FRMPD1: variants seen among roughly 807,000 people sequenced by gnomAD.
FRMPD1 encodes the protein FERM and PDZ domain containing 1.
In FRMPD1, 76 loss-of-function variants were observed where a neutral mutation model predicts 117.8. The ratio of observed to expected loss-of-function variants is 0.65; its 90% CI spans 0.54 to 0.78. The LOEUF is 0.78. Ranked by LOEUF, FRMPD1 falls within the 30% of genes least tolerant of loss-of-function variation. The pLI, the probability that FRMPD1 is intolerant of heterozygous loss-of-function variation, is 0.00. For missense variants in FRMPD1, 1,786 were observed against 1,964.5 expected, an observed-to-expected ratio of 0.91 and a Z score of 1.72; for synonymous variants, 783 against 770.4, an observed-to-expected ratio of 1.02 and a Z score of -0.27.
chr9:37,695,270 A>G (rs1246811469), intron 2 of FRMPD1, among the ~76,000 whole-genome samples: 1 of 152,132 alleles, frequency 6.6e-6, no homozygotes. Flanking sequence ...CTACATTTCC[A>G]CCAGCAGTAT....
At chr9:37,726,067 C>A (rs1396907441) in intron 7 of FRMPD1, among the ~76,000 whole-genome samples, 3 of 152,076 alleles carry the variant, frequency 2.0e-5, no homozygotes, top group Non-Finnish European at 4.4e-5. Flanking sequence ...CTTAAGATGA[C>A]AGAGAGAGTT....
the FRMPD1 span, among the ~76,000 whole-genome samples, chr9:37,618,307 G>T: frequency 1.3e-5 from 2 of 152,106 alleles, no homozygotes; most frequent in African/African-American, 4.8e-5. Context: ...GAAACAGGGG[G>T]GAACAGTGCT....
At chr9:37,640,692 C>T in the FRMPD1 span, among the ~76,000 whole-genome samples, 1 of 152,100 alleles carries the variant, frequency 6.6e-6, no homozygotes, top group Admixed American at 6.6e-5. Flanking sequence ...ATAGTAGACT[C>T]ATAAAATCAT....
intron 6 of FRMPD1, among the ~76,000 whole-genome samples, chr9:37,723,403 G>A (rs1823481463): frequency 6.6e-6 from 1 of 152,156 alleles, no homozygotes; most frequent in African/African-American, 2.4e-5. Context: ...CAGTCCTCAT[G>A]GGTATCCCTT....
At chr9:37,623,273 G>A in the FRMPD1 span, among the ~76,000 whole-genome samples, 1 of 152,178 alleles carries the variant, frequency 6.6e-6, no homozygotes. Context: ...CCTCTGGTTG[G>A]GAAAGGTGCC....
chr9:37,745,718 A>G lies in FRMPD1; in HGVS notation c.3686A>G (p.Glu1229Gly), dbSNP rs1824674991. The G allele has an allele frequency of 6.2e-7, 1 of 1,614,056 alleles. No individual in the cohort carries two copies. Among genetic ancestry groups the G allele is most frequent in the African/African-American group, 1.3e-5 (1 of 74,936 alleles). Residue 1229 changes from glutamate to glycine, a missense_variant, in exon 16 of 16, where the codon GAG (glutamate) becomes GGG (glycine). Glu to Gly is a moderately conservative substitution (Grantham distance 98). Transcript: ENST00000377765. ...GTCCCTCCAGAGGGGATCAAGGCAGAGGCACCTAACCATGTGACAGGGCAA... is the reference window on the plus strand; with the variant it reads ...GTCCCTCCAGAGGGGATCAAGGCAGGGGCACCTAACCATGTGACAGGGCAA... ...PAVPPEGIKA[E>G]APNHVTGQDI...
At chr9:37,620,475 G>C in the FRMPD1 span, among the ~76,000 whole-genome samples, 2 of 151,872 alleles carry the variant, frequency 1.3e-5, no homozygotes, top group African/African-American at 4.8e-5. Context: ...ACCGGGCATA[G>C]AGAAGGCCCT....
intron 5 of FRMPD1, chr9:37,715,591 T>C (rs1823083248): frequency 2.2e-6 from 1 of 454,530 alleles, no homozygotes; most frequent in Non-Finnish European, 4.4e-6. Flanking sequence ...TGAATTAATT[T>C]AGAATCCAGA....
the FRMPD1 span, among the ~76,000 whole-genome samples, chr9:37,611,134 T>G: frequency 6.6e-6 from 1 of 152,202 alleles, no homozygotes; most frequent in Non-Finnish European, 1.5e-5. Flanking sequence ...CATTTGTAAT[T>G]GTTTTTTTAG....
chr9:37,707,678 C>A, intron 3 of FRMPD1, 105 bp downstream of exon 3: 1 of 969,776 alleles, frequency 1.0e-6, no homozygotes, highest in Non-Finnish European at 1.6e-6. Context: ...GAAAATCCTA[C>A]CTGGGAAGTT....
chr9:37,723,877 A>T (rs896256031), intron 6 of FRMPD1, among the ~76,000 whole-genome samples: 1 of 152,132 alleles, frequency 6.6e-6, no homozygotes, highest in African/African-American at 2.4e-5. Flanking sequence ...GTGTGCCTGT[A>T]GTCTCAGCTA....
At chr9:37,734,361 GTC>G (rs1417321932) in intron 12 of FRMPD1, among the ~76,000 whole-genome samples, 1 of 152,134 alleles carries the variant, frequency 6.6e-6, no homozygotes, top group Non-Finnish European at 1.5e-5. Context: ...GCCAAGCTGA[GTC>G]TCTGATTGTT....
chr9:37,621,926 A>T, the FRMPD1 span, among the ~76,000 whole-genome samples: 11 of 152,256 alleles, frequency 7.2e-5, no homozygotes, highest in South Asian at 2.3e-3. Context: ...CAATAGTACC[A>T]CGTAAGAGGA....
rs762139665 is a variant in FRMPD1 at position 37,740,477 on chromosome 9, T to C, written c.1949T>C (p.Ile650Thr). ...GACAGCCAGGAGGAGAGAAGCGGGA[T>C]TGAAACCAGTGGCTTCCTCTGTCTC... Reference protein sequence around the residue: ...DSDSQEERSGIETSGFLCLLD... With the variant: ...DSDSQEERSGTETSGFLCLLD... Residue 650 changes from isoleucine to threonine, a missense_variant, in exon 15 of 16, where the codon ATT becomes ACT. Coordinates refer to ENST00000377765, the MANE Select transcript of FRMPD1 (RefSeq NM_014907.3). The surrounding 1 kb of genome is among the most constrained non-coding windows in gnomAD (Gnocchi z 4.2). 6.2e-7 allele frequency: 1 copy of C among 1,614,172 alleles called. No homozygotes were observed.
chr9:37,605,233 T>C, the FRMPD1 span, among the ~76,000 whole-genome samples: 1 of 152,242 alleles, frequency 6.6e-6, no homozygotes, highest in African/African-American at 2.4e-5. Context: ...ACTCAGCCTG[T>C]GCCCAAACCT....
chr9:37,638,854 A>G, the FRMPD1 span, among the ~76,000 whole-genome samples: 1 of 152,214 alleles, frequency 6.6e-6, no homozygotes, highest in Non-Finnish European at 1.5e-5. Flanking sequence ...CTCAAAGTCT[A>G]TCCTGATCTT....
chr9:37,668,098 G>T (rs1379092078), intron 1 of FRMPD1: 1 of 152,254 alleles, frequency 6.6e-6, no homozygotes, highest in South Asian at 2.1e-4. Context: ...GAGACCTTGG[G>T]TGTCATCTTC....
intron 1 of FRMPD1, among the ~76,000 whole-genome samples, chr9:37,658,612 T>TG (rs1332143836): frequency 1.3e-5 from 2 of 152,126 alleles, no homozygotes; most frequent in East Asian, 1.9e-4. Context: ...CAGCTTCTGG[T>TG]GCCCACTGGC....
chr9:37,631,581 A>C, the FRMPD1 span, among the ~76,000 whole-genome samples: 8 of 152,174 alleles, frequency 5.3e-5, no homozygotes, highest in African/African-American at 1.9e-4. Context: ...TAGAATAATA[A>C]ATTCACAAAT....
Sources: allele counts gnomAD v4.1 joint callset (sites outside exome capture counted in the v4.1 genomes callset), GRCh38; gene constraint gnomAD v4.1.1; non-coding constraint Gnocchi (gnomAD v3.1); transcripts MANE v1.5; gene names NCBI Gene and HGNC (gene_info 2026-07-23, HGNC 2026-07-21).